The following CRTC1 variants were observed in gnomAD, a reference collection of about 807,000 sequenced individuals.
CRTC1 encodes the protein CREB-regulated transcription coactivator 1.
In CRTC1, 18 loss-of-function variants were observed where a neutral mutation model predicts 66.1. The ratio of observed to expected loss-of-function variants is 0.27; its 90% confidence interval spans 0.19 to 0.40. The LOEUF is 0.40. Ranked by LOEUF, CRTC1 falls within the 10% of genes least tolerant of loss-of-function variation. CRTC1 has a pLI of 1.00. For synonymous variants in CRTC1, 416 were observed against 398.8 expected, an observed-to-expected ratio of 1.04 and a Z score of -0.51; for missense variants, 669 against 887.9, an observed-to-expected ratio of 0.75 and a Z score of 3.13.
Position 18,771,640 on chromosome 19 carries a change from C to T in CRTC1, c.1425+94C>T, listed in dbSNP as rs1333652224. The stretch of plus-strand genomic sequence containing the variant: ...CTGCCCACTGTCTGTCCTCATGCAT[C>T]GCTCCTCATGCATGTCCTCATGCAT... On this transcript the variant is annotated intron_variant, in intron 11 of 13. Coordinates refer to ENST00000321949, the MANE Select transcript of CRTC1 (RefSeq NM_015321.3). The surrounding 1 kb of genome is among the most constrained non-coding windows in gnomAD (Gnocchi z 4.6). 6.4e-6 allele frequency: 6 copies of T among 933,458 alleles called. No individual in the cohort carries two copies. The highest frequency in any genetic ancestry group is 4.2e-5 in the Admixed American group (2 of 47,938). The allele number at this position is 933,458 out of a possible 1,614,324, so 57.8% of individuals were successfully genotyped here.
chr19:18,692,353 G>A (rs2052863020), intron 1 of CRTC1, among the ~76,000 whole-genome samples: 1 of 152,180 alleles, frequency 6.6e-6, no homozygotes, highest in Admixed American at 6.6e-5. Context: ...ACTGGCTAAA[G>A]TCACAAATTA....
At chr19:18,773,314 A>C (rs2054911556) in intron 11 of CRTC1, among the ~76,000 whole-genome samples, 1 of 151,918 alleles carries the variant, frequency 6.6e-6, no homozygotes, top group African/African-American at 2.4e-5. Context: ...TTGAGTAGCC[A>C]CTGTGTGCAC....
At chr19:18,685,630 C>G (rs2145441949) in intron 1 of CRTC1, among the ~76,000 whole-genome samples, 1 of 152,254 alleles carries the variant, frequency 6.6e-6, no homozygotes, top group Non-Finnish European at 1.5e-5. Context: ...GTACTCCAGC[C>G]TGGGTGACAA....
intron 1 of CRTC1, among the ~76,000 whole-genome samples, chr19:18,719,288 T>C (rs1343989899): frequency 2.0e-5 from 3 of 152,166 alleles, no homozygotes; most frequent in African/African-American, 7.2e-5. Flanking sequence ...TAGCCCAGAA[T>C]GCGGCCTGAA....
intron 13 of CRTC1, among the ~76,000 whole-genome samples, chr19:18,776,041 G>A (rs529627393): frequency 1.3e-5 from 2 of 152,278 alleles, no homozygotes; most frequent in South Asian, 2.1e-4. Context: ...TGGACCAGAC[G>A]TCCCGTGCAT....
chr19:18,747,431 G>GT (rs1285961098), intron 4 of CRTC1, among the ~76,000 whole-genome samples: 2 of 152,142 alleles, frequency 1.3e-5, no homozygotes, highest in Admixed American at 6.5e-5. Flanking sequence ...GAGGTCAGGA[G>GT]TTTGAGACCA....
chr19:18,738,328 A>G (rs1332791108), intron 1 of CRTC1, among the ~76,000 whole-genome samples: 1 of 152,174 alleles, frequency 6.6e-6, no homozygotes, highest in African/African-American at 2.4e-5. Context: ...AAATAAATAA[A>G]TGAATAAATA....
intron 1 of CRTC1, among the ~76,000 whole-genome samples, chr19:18,722,760 A>T (rs1329203635): frequency 2.0e-5 from 3 of 152,104 alleles, no homozygotes; most frequent in Non-Finnish European, 4.4e-5. Flanking sequence ...CTCACCCCGC[A>T]GGTAGTCACT....
intron 1 of CRTC1, among the ~76,000 whole-genome samples, chr19:18,688,075 G>A (rs148082117): frequency 6.6e-6 from 1 of 152,198 alleles, no homozygotes; most frequent in Admixed American, 6.5e-5. Context: ...GGGTGCTGGG[G>A]CTCCTGCAGT....
chr19:18,769,419 C>T (rs1021338511), intron 10 of CRTC1, among the ~76,000 whole-genome samples: 2 of 152,256 alleles, frequency 1.3e-5, no homozygotes, highest in Non-Finnish European at 2.9e-5. Context: ...TCCAGGGAAA[C>T]AGGGACTTGT....
chr19:18,746,686 C>T (rs1381182394), intron 3 of CRTC1, among the ~76,000 whole-genome samples: 1 of 152,198 alleles, frequency 6.6e-6, no homozygotes, highest in Non-Finnish European at 1.5e-5. Flanking sequence ...GCCACCCCGT[C>T]AGCCCAGGAT....
At chr19:18,700,083 C>T (rs1239048754) in intron 1 of CRTC1, among the ~76,000 whole-genome samples, 1 of 152,176 alleles carries the variant, frequency 6.6e-6, no homozygotes, top group East Asian at 1.9e-4. Context: ...CGTCTTCCAT[C>T]TCAGGGAGCC....
intron 3 of CRTC1, among the ~76,000 whole-genome samples, 162 bp downstream of exon 3, chr19:18,746,122 G>A (rs2054230330): frequency 6.6e-6 from 1 of 152,210 alleles, no homozygotes; most frequent in African/African-American, 2.4e-5. Context: ...GCAGCCTGGG[G>A]GACTTCCTGG....
At chr19:18,743,746 C>T (rs554981920) in intron 2 of CRTC1, among the ~76,000 whole-genome samples, 1 of 152,372 alleles carries the variant, frequency 6.6e-6, no homozygotes, top group East Asian at 1.9e-4. Flanking sequence ...TCCACCGCCA[C>T]CTGCACCGCC....
intron 1 of CRTC1, among the ~76,000 whole-genome samples, chr19:18,688,084 G>A (rs890641694): frequency 1.3e-5 from 2 of 152,110 alleles, no homozygotes; most frequent in Admixed American, 6.5e-5. Flanking sequence ...GGCTCCTGCA[G>A]TGTACAGGGC....
chr19:18,734,676 G>T (rs557887796), intron 1 of CRTC1, among the ~76,000 whole-genome samples: 2 of 152,264 alleles, frequency 1.3e-5, no homozygotes, highest in Admixed American at 6.5e-5. Context: ...AGACCCTGTC[G>T]CAAATAAAAG....
intron 11 of CRTC1, among the ~76,000 whole-genome samples, chr19:18,773,714 T>C (rs923299087): frequency 6.6e-6 from 1 of 152,216 alleles, no homozygotes; most frequent in Non-Finnish European, 1.5e-5. Context: ...CGTGCTGGCC[T>C]TCCCTTCCTT....
At chr19:18,731,321 G>A (rs925436905) in intron 1 of CRTC1, among the ~76,000 whole-genome samples, 8 of 152,162 alleles carry the variant, frequency 5.3e-5, no homozygotes, top group African/African-American at 1.7e-4. Context: ...AGCTCCTGGT[G>A]GCCCAGCGAT....
chr19:18,758,671 G>C (rs533487505), intron 6 of CRTC1, among the ~76,000 whole-genome samples: 108 of 152,312 alleles, frequency 7.1e-4, no homozygotes, highest in Middle Eastern at 3.4e-3. Flanking sequence ...CTAGGTCTCT[G>C]CTGCAAAGCT....
Sources: allele counts gnomAD v4.1 joint callset (sites outside exome capture counted in the v4.1 genomes callset), GRCh38; gene constraint gnomAD v4.1.1; non-coding constraint Gnocchi (gnomAD v3.1); transcripts MANE v1.5; gene names NCBI Gene and HGNC (gene_info 2026-07-23, HGNC 2026-07-21).